The following KDM5B variants were observed in gnomAD, a reference collection of about 807,000 sequenced individuals.
KDM5B encodes the protein lysine demethylase 5B.
KDM5B carries 144 observed loss-of-function variants against 193.4 expected under a neutral mutation model. The ratio of observed to expected loss-of-function variants is 0.74; its 90% CI spans 0.65 to 0.86. The LOEUF is 0.86. KDM5B is among the 40% of genes least tolerant of loss of function. The pLI, the probability that KDM5B is intolerant of heterozygous loss-of-function variation, is 0.00. For missense variants in KDM5B, 1,833 were observed against 1,886.9 expected (o/e 0.97, Z 0.53); for synonymous variants, 668 against 682.6 (o/e 0.98, Z 0.33).
chr1:202,729,270 A>G (rs1438647874), intron 26 of KDM5B, 97 bp from the exon 27 acceptor site: 2 of 1,349,874 alleles, frequency 1.5e-6, no homozygotes, highest in African/African-American at 2.9e-5. Flanking sequence ...TTTGCCAATA[A>G]CAGCCACTGT....
At chr1:202,734,500 G>A (rs551881428) in intron 22 of KDM5B, among the ~76,000 whole-genome samples, 9 of 152,202 alleles carry the variant, frequency 5.9e-5, no homozygotes, top group Admixed American at 2.0e-4. Context: ...CAGATAATAC[G>A]TAGGGAGAAT....
chr1:202,799,267 G>A (rs193110627), intron 1 of KDM5B, among the ~76,000 whole-genome samples: 1 of 152,296 alleles, frequency 6.6e-6, no homozygotes, highest in East Asian at 1.9e-4. Context: ...AGGTCATGAT[G>A]TAACTAGATT....
intron 1 of KDM5B, among the ~76,000 whole-genome samples, chr1:202,792,244 ATT>A (rs35527316): frequency 5.8e-5 from 8 of 137,690 alleles, no homozygotes; most frequent in African/African-American, 1.3e-4. Context: ...TGGTGTTTAG[ATT>A]TTTTTTTTTT....
At chr1:202,761,241 C>T (rs778580637) in intron 7 of KDM5B, among the ~76,000 whole-genome samples, 6 of 151,992 alleles carry the variant, frequency 3.9e-5, no homozygotes, top group Admixed American at 3.3e-4. Context: ...AGTTTGAGAC[C>T]AGCCTGGGCA....
At chr1:202,767,842 T>A (rs1572744921) in intron 4 of KDM5B, among the ~76,000 whole-genome samples, 1 of 152,258 alleles carries the variant, frequency 6.6e-6, no homozygotes, top group African/African-American at 2.4e-5. Context: ...TAATGGAAGG[T>A]CCATATTGTT....
At chr1:202,807,428 T>TC (rs1289398157) in intron 1 of KDM5B, 1 of 107,514 alleles carries the variant, frequency 9.3e-6, no homozygotes, top group Non-Finnish European at 1.9e-5. Flanking sequence ...CCGCGGCTCC[T>TC]CCCCGCCCCC....
rs545996767 is a variant in KDM5B at position 202,781,371 on chromosome 1, G to T, written c.205-4277C>A. ...AAGACTTCAATAAAAATGCCCGCCG[G>T]TGATGCATGATAAAATGTTAAGCTA... On this transcript the variant is annotated intron_variant, in intron 1 of 26. Transcript: ENST00000367265. 1.2e-3 allele frequency among the ~76,000 whole-genome samples: 181 copies of T among 152,274 alleles called. 2 individuals carry two copies. The highest frequency in any genetic ancestry group is 2.6e-4 in the Non-Finnish European group (18 of 68,018).
rs772382003 is a variant in KDM5B, at chr1:202,729,979, T to C, written c.4225A>G (p.Lys1409Glu). 6.2e-7 allele frequency: 1 copy of C among 1,613,828 alleles called. No homozygotes were observed. Among genetic ancestry groups the C allele is most frequent in the South Asian group, 1.1e-5 (1 of 91,058 alleles). The change falls in exon 26 of 27, where the codon AAA (lysine) becomes GAA (glutamate). Residue 1409 changes from lysine (K) to glutamate (E), a missense_variant. By Grantham distance (56) the Lys-to-Glu change is moderately conservative (BLOSUM62 1). This residue lies in a region of KDM5B where 1,379 missense variants were observed against 1,349.6 expected (regional missense o/e 1.02). Coordinates refer to ENST00000367265, the MANE Select transcript of KDM5B (RefSeq NM_006618.5). Reference sequence around the variant, plus strand: ...TCTCTTTCCAGGCGTCTCTTCAGTTTTCTCTCAAGACTGTTAATTCCATCT... The same window carrying C: ...TCTCTTTCCAGGCGTCTCTTCAGTTCTCTCTCAAGACTGTTAATTCCATCT... ...KRDGINSLER[K>E]LKRRLEREGL...
intron 4 of KDM5B, among the ~76,000 whole-genome samples, chr1:202,767,987 C>T (rs1464933971): frequency 6.6e-6 from 1 of 152,248 alleles, no homozygotes; most frequent in Non-Finnish European, 1.5e-5. Context: ...TCAGATATAA[C>T]TAGCAAAGTT....
In KDM5B at chr1:202,729,142, T is replaced by C. The variant is rs772178330; in HGVS notation, c.4529A>G (p.Asn1510Ser). The stretch of plus-strand genomic sequence containing the variant: ...AACACAGACCTGATGAAACCACTGA[T>C]TGCAGCTGCCATCACACTGGACCCA... ...VDWVQCDGSCNQWFHQVCVGV... is the reference protein window; with the variant it reads ...VDWVQCDGSCSQWFHQVCVGV... Residue 1510 changes from asparagine (N) to serine (S), a missense_variant, in exon 27 of 27, where the codon AAT becomes AGT. Around this residue, in one of 3 missense-constraint regions of KDM5B, gnomAD observed 1,379 missense variants for 1,349.6 expected, o/e 1.02. Transcript: ENST00000367265. 3.7e-6 allele frequency: 6 copies of C among 1,614,176 alleles called. No individual in the cohort carries two copies. The highest frequency in any genetic ancestry group is 1.3e-5 in the African/African-American group (1 of 75,056).
chr1:202,729,620 G>T, intron 26 of KDM5B, 87 bp downstream of exon 26: 1 of 1,140,250 alleles, frequency 8.8e-7, no homozygotes, highest in Non-Finnish European at 1.2e-6. Context: ...GATAAGCAGA[G>T]GAGAAAGACC....
At chr1:202,737,478 A>T (rs1655138321) in intron 20 of KDM5B, among the ~76,000 whole-genome samples, 3 of 152,226 alleles carry the variant, frequency 2.0e-5, no homozygotes, top group Admixed American at 6.5e-5. Flanking sequence ...TGGAGGATGA[A>T]ATGCATTGGT....
intron 26 of KDM5B, chr1:202,729,470 G>A: frequency 1.7e-6 from 1 of 592,678 alleles, no homozygotes; most frequent in Non-Finnish European, 3.0e-6. Flanking sequence ...CCGGGAAGGT[G>A]AAAGCTGGAA....
chr1:202,744,842 T>G (rs1483524814), intron 16 of KDM5B, among the ~76,000 whole-genome samples: 2 of 152,082 alleles, frequency 1.3e-5, no homozygotes, highest in African/African-American at 4.8e-5. Context: ...TAAAGACACA[T>G]GCATGTGTAT....
intron 1 of KDM5B, among the ~76,000 whole-genome samples, chr1:202,799,737 C>G (rs1320120106): frequency 6.6e-6 from 1 of 151,724 alleles, no homozygotes; most frequent in African/African-American, 2.4e-5. Flanking sequence ...CCTTGATAAA[C>G]CTCTTTTTTA....
chr1:202,780,007 T>C (rs1657136825), intron 1 of KDM5B, among the ~76,000 whole-genome samples: 2 of 151,832 alleles, frequency 1.3e-5, no homozygotes, highest in Non-Finnish European at 2.9e-5. Context: ...GACAAAATAA[T>C]AACTTACAGA....
chr1:202,753,627 A>C (rs1655884347), intron 11 of KDM5B, among the ~76,000 whole-genome samples: 1 of 151,950 alleles, frequency 6.6e-6, no homozygotes, highest in Non-Finnish European at 1.5e-5. Flanking sequence ...ACTCTTTAGA[A>C]AATGCAGACA....
chr1:202,768,868 C>A (rs1656585884), intron 4 of KDM5B, among the ~76,000 whole-genome samples: 1 of 151,586 alleles, frequency 6.6e-6, no homozygotes, highest in African/African-American at 2.4e-5. Context: ...CAGGCATGCA[C>A]CACCACGCCC....
chr1:202,779,900 A>G (rs1442649295), intron 1 of KDM5B, among the ~76,000 whole-genome samples: 1 of 152,020 alleles, frequency 6.6e-6, no homozygotes, highest in Non-Finnish European at 1.5e-5. Flanking sequence ...GCAGCATTAC[A>G]TTAGGAATGT....
Sources: gnomAD v4.1 joint callset for allele counts (sites outside exome capture counted in the v4.1 genomes callset) on GRCh38, gnomAD v4.1.1 for gene constraint, gnomAD v4.1.1 regional missense constraint, MANE v1.5 for transcripts, NCBI Gene and HGNC (gene_info 2026-07-23, HGNC 2026-07-21) for gene names.